Variants in CCDC33 observed in about 807,000 individuals in gnomAD.
The protein encoded by CCDC33 is coiled-coil domain-containing protein 33.
CCDC33 carries 94 observed loss-of-function variants against 91.9 expected under a neutral mutation model. The observed-to-expected ratio is 1.02, with a 90% CI of 0.87 to 1.21. The LOEUF (loss-of-function observed/expected upper bound fraction) is 1.21. Ranked by LOEUF, CCDC33 falls within the 50% of genes most tolerant of loss-of-function variation. The pLI, the probability that CCDC33 is intolerant of heterozygous loss-of-function variation, is 0.00. For synonymous variants in CCDC33, 396 were observed against 374.5 expected (o/e 1.06, Z -0.66); for missense variants, 940 against 935.5 (o/e 1.00, Z -0.06).
At chr15:74,275,911 C>T (rs1449932347) in intron 7 of CCDC33, among the ~76,000 whole-genome samples, 3 of 152,346 alleles carry the variant, frequency 2.0e-5, no homozygotes, top group Non-Finnish European at 2.9e-5. Context: ...TCTGGCGATA[C>T]GCCCACCTTG....
intron 1 of CCDC33, chr15:74,207,646 G>C: frequency 1.3e-6 from 2 of 1,488,822 alleles, no homozygotes; most frequent in Non-Finnish European, 1.8e-6. Context: ...GCACGGAAGA[G>C]AACACGCAAG....
chr15:74,328,352 G>C (rs991859210), intron 11 of CCDC33, among the ~76,000 whole-genome samples: 4 of 152,190 alleles, frequency 2.6e-5, no homozygotes, highest in African/African-American at 9.7e-5. Context: ...CTGGGCAGGG[G>C]CTTCACGCAC....
At chr15:74,319,900 T>A (rs907947689) in intron 11 of CCDC33, among the ~76,000 whole-genome samples, 1 of 152,082 alleles carries the variant, frequency 6.6e-6, no homozygotes, top group Non-Finnish European at 1.5e-5. Context: ...CTAGGCATCA[T>A]CTCTGCTGCA....
intron 5 of CCDC33, among the ~76,000 whole-genome samples, chr15:74,269,488 G>T (rs926236032): frequency 6.6e-6 from 1 of 152,018 alleles, no homozygotes; most frequent in African/African-American, 2.4e-5. Flanking sequence ...ACCTACAGGC[G>T]CCCTCTGCTC....
intron 2 of CCDC33, among the ~76,000 whole-genome samples, chr15:74,231,053 A>G (rs2074956158): frequency 6.6e-6 from 1 of 152,234 alleles, no homozygotes; most frequent in Non-Finnish European, 1.5e-5. Context: ...AAACACAGAT[A>G]CACAAGGGTT....
At chr15:74,222,041 G>A (rs539797235) in intron 2 of CCDC33, among the ~76,000 whole-genome samples, 2 of 152,138 alleles carry the variant, frequency 1.3e-5, no homozygotes, top group East Asian at 1.9e-4. Context: ...ACCCAAAGCC[G>A]GCAAAAAGGC....
At chr15:74,252,887 CT>C (rs1178453848) in intron 2 of CCDC33, among the ~76,000 whole-genome samples, 16 of 152,200 alleles carry the variant, frequency 1.1e-4, no homozygotes, top group Admixed American at 9.8e-4. Flanking sequence ...TCAGTGAGAA[CT>C]TCCCTTTGTC....
chr15:74,220,255 C>T (rs2074555047), intron 2 of CCDC33, among the ~76,000 whole-genome samples: 2 of 152,216 alleles, frequency 1.3e-5, no homozygotes, highest in African/African-American at 4.8e-5. Context: ...AGTCACTCAG[C>T]CTGTTGACAT....
chr15:74,215,565 TAC>T (rs1032729611), upstream of CCDC33, among the ~76,000 whole-genome samples: 2 of 151,606 alleles, frequency 1.3e-5, no homozygotes, highest in Non-Finnish European at 3.0e-5. Flanking sequence ...AAAGTAACTG[TAC>T]ACACACACCA....
At chr15:74,329,549 A>G (rs1567039849) in intron 11 of CCDC33, among the ~76,000 whole-genome samples, 2 of 152,210 alleles carry the variant, frequency 1.3e-5, no homozygotes, top group Admixed American at 6.5e-5. Context: ...AGCATCAGAC[A>G]TTAGGATTGC....
chr15:74,276,913 C>A (rs2076464995), intron 7 of CCDC33, among the ~76,000 whole-genome samples: 1 of 152,212 alleles, frequency 6.6e-6, no homozygotes, highest in African/African-American at 2.4e-5. Context: ...GCTCCCACAA[C>A]CACAGCTTGC....
intron 2 of CCDC33, among the ~76,000 whole-genome samples, chr15:74,225,117 C>CGTGT (rs3057568): frequency 0.13 from 18,620 of 139,808 alleles, 1,403 homozygotes; most frequent in Non-Finnish European, 0.17. Context: ...CTCCTGGAGG[C>CGTGT]GTGTGTGTGT....
chr15:74,259,893 A>G (rs535237489), intron 2 of CCDC33, among the ~76,000 whole-genome samples: 1 of 152,350 alleles, frequency 6.6e-6, no homozygotes, highest in South Asian at 2.1e-4. Flanking sequence ...GAATGTGTCC[A>G]TGCAGGTGCA....
chr15:74,303,987 G>A (rs891635684), intron 11 of CCDC33: 1 of 152,272 alleles, frequency 6.6e-6, no homozygotes, highest in African/African-American at 2.4e-5. Context: ...GGGAGGGAGA[G>A]GAGAAGGGTA....
intron 11 of CCDC33, chr15:74,318,412 A>G (rs1392583274): frequency 9.3e-6 from 5 of 538,140 alleles, no homozygotes; most frequent in African/African-American, 6.1e-5. Context: ...CCAAGGAGTG[A>G]ACCTTGCATG....
chr15:74,281,895 C>A lies in CCDC33; in HGVS notation c.1095+46C>A. The stretch of plus-strand genomic sequence containing the variant: ...AGGGTCAGGGCCAGCAGGCACATGT[C>A]AGTGAGATCCAACTTCCTTCACAAT... On this transcript the variant is annotated intron_variant, in intron 10 of 18. Coordinates refer to ENST00000398814, the MANE Select transcript of CCDC33 (RefSeq NM_025055.5). The A allele has an allele frequency of 2.0e-6, 3 of 1,521,446 alleles. No individual in the cohort carries two copies. The South Asian group carries it at 3.4e-5, about 17-fold the overall frequency. 94.2% of individuals were successfully genotyped at this position (1,521,446 alleles called of 1,614,324 possible).
intron 11 of CCDC33, among the ~76,000 whole-genome samples, chr15:74,325,495 C>G (rs1274392858): frequency 6.6e-6 from 1 of 152,048 alleles, no homozygotes; most frequent in Non-Finnish European, 1.5e-5. Context: ...AAGCTCTCCT[C>G]TGTCACAGAT....
intron 10 of CCDC33, among the ~76,000 whole-genome samples, chr15:74,292,060 G>A (rs148369281): frequency 7.0e-4 from 106 of 152,370 alleles, no homozygotes; most frequent in African/African-American, 2.5e-3. Flanking sequence ...ATGTGCTGCA[G>A]CCACGAAGCC....
chr15:74,330,725 C>T lies in CCDC33; in HGVS notation c.1519C>T (p.Gln507Ter). The change falls in exon 13 of 19, where the codon CAG (glutamine) becomes TAG (stop). Residue 507 changes from glutamine to a stop codon, truncating the protein, a stop_gained. Coordinates refer to ENST00000398814, the MANE Select transcript of CCDC33 (RefSeq NM_025055.5). LOFTEE classifies it high-confidence loss of function. ...LDMKKLRDRVQHLQNELIRKN... is the reference protein window; with the variant it reads ...LDMKKLRDRV ...TATGAAGAAACTGAGGGACAGGGTG[C>T]AGCATTTGCAGAATGAGCTGATTCG... is the stretch of plus-strand genomic sequence containing the variant. 1 of 1,613,360 alleles carries T rather than the reference C, an allele frequency of 6.2e-7. No homozygotes were observed. The highest frequency in any genetic ancestry group is 8.5e-7 in the Non-Finnish European group (1 of 1,179,918).
Sources: gnomAD v4.1 joint callset for allele counts (sites outside exome capture counted in the v4.1 genomes callset) on GRCh38, gnomAD v4.1.1 for gene constraint, MANE v1.5 for transcripts, NCBI Gene and HGNC (gene_info 2026-07-23, HGNC 2026-07-21) for gene names.